The following GRM3 variants were observed in gnomAD, a reference collection of about 807,000 sequenced individuals.
GRM3 encodes glutamate metabotropic receptor 3, also known as metabotropic glutamate receptor 3.
In GRM3, 26 loss-of-function variants were observed where a neutral mutation model predicts 70.5. The observed-to-expected ratio is 0.37, with a 90% CI of 0.27 to 0.51. The LOEUF (loss-of-function observed/expected upper bound fraction) is 0.51. GRM3 is among the 20% of genes least tolerant of loss of function. GRM3 has a pLI of 0.93. For missense variants in GRM3, 859 were observed against 1,123.8 expected (o/e 0.76, Z 3.37); for synonymous variants, 443 against 434.9 (o/e 1.02, Z -0.23).
At position 86,746,341 on chromosome 7, in the gene GRM3, T is replaced by TTTTATATA. The variant is rs1388333232; in HGVS notation, c.-140-18664_-140-18663insTTATATAT. Among the ~76,000 whole-genome samples the TTTTATATA allele has an allele frequency of 3.9e-3, 343 of 87,428 alleles. 6 individuals carry two copies. The highest frequency in any genetic ancestry group is 0.015 in the African/African-American group (252 of 16,812). 57.4% of individuals were successfully genotyped at this position (87,428 alleles called of 152,430 possible). A position where few individuals can be genotyped will look rare whatever the true frequency, so the allele number is the denominator to read the frequency against. On this transcript the variant is annotated intron_variant, in intron 1 of 5. Transcript: ENST00000361669. Reference sequence around the variant, plus strand: ...TGACTAATAGAGGGTCAGTCATGTATTATATATATATATATATATATATAT... The same window carrying TTTTATATA: ...TGACTAATAGAGGGTCAGTCATGTATTTTATATATATATATATATATATATATATATAT...
chr7:86,835,582 G>A (rs1239185656), intron 3 of GRM3, among the ~76,000 whole-genome samples: 1 of 152,042 alleles, frequency 6.6e-6, no homozygotes, highest in East Asian at 1.9e-4. Flanking sequence ...TATATGACAA[G>A]CATTTAATAT....
intron 1 of GRM3, among the ~76,000 whole-genome samples, chr7:86,688,008 A>G (rs1039450852): frequency 2.0e-5 from 3 of 151,734 alleles, no homozygotes; most frequent in African/African-American, 7.2e-5. Flanking sequence ...TAGCAAGATA[A>G]CATGTTTAAA....
chr7:86,843,874 C>T (rs76395806), intron 4 of GRM3, among the ~76,000 whole-genome samples: 1,657 of 152,174 alleles, frequency 0.011, 18 homozygotes, highest in African/African-American at 0.037. Flanking sequence ...CCTTGAAAAG[C>T]GGGTTACTGC....
At position 86,765,340 on chromosome 7, in the gene GRM3, G is replaced by C. The variant is rs185236143; in HGVS notation, c.195G>C (p.Gly65=). 6.2e-7 allele frequency: 1 copy of C among 1,613,924 alleles called. No individual in the cohort carries two copies. Among genetic ancestry groups the C allele is most frequent in the Non-Finnish European group, 8.5e-7 (1 of 1,179,880 alleles). ...EECGRINEDR[G]IQRLEAMLFA... ...GTGGGCGAATCAATGAAGACCGAGG[G>C]ATTCAACGCCTGGAAGCCATGTTGT... Residue 65 remains glycine (G), a synonymous_variant, in exon 2 of 6, where the codon GGG becomes GGC. Transcript: ENST00000361669.
chr7:86,752,386 A>C (rs1044877303), intron 1 of GRM3, among the ~76,000 whole-genome samples: 1 of 152,164 alleles, frequency 6.6e-6, no homozygotes, highest in Non-Finnish European at 1.5e-5. Context: ...AAAGGAAAGC[A>C]AACCTAGAAG....
At chr7:86,676,416 C>A (rs2115936194) in intron 1 of GRM3, among the ~76,000 whole-genome samples, 1 of 133,468 alleles carries the variant, frequency 7.5e-6, no homozygotes, top group East Asian at 2.4e-4. Context: ...CCAAATAATT[C>A]TCTGTAGAAA....
chr7:86,777,849 C>G (rs537067805), intron 2 of GRM3, among the ~76,000 whole-genome samples: 3 of 152,218 alleles, frequency 2.0e-5, no homozygotes, highest in East Asian at 3.9e-4. Flanking sequence ...GGATTTTGTA[C>G]AGCTAATAAT....
At chr7:86,649,074 G>A (rs1171912137) in intron 1 of GRM3, among the ~76,000 whole-genome samples, 1 of 152,136 alleles carries the variant, frequency 6.6e-6, no homozygotes, top group East Asian at 1.9e-4. Flanking sequence ...ATTAGGTTAA[G>A]AAATCAAGGA....
At chr7:86,806,482 C>T (rs963874256) in intron 3 of GRM3, among the ~76,000 whole-genome samples, 9 of 152,160 alleles carry the variant, frequency 5.9e-5, no homozygotes, top group Non-Finnish European at 1.2e-4. Flanking sequence ...TTTTGATTTG[C>T]ATTTCTCTGA....
Position 86,850,406 on chromosome 7 carries a change from A to G in GRM3, c.2428A>G (p.Ser810Gly). 6.2e-7 allele frequency: 1 copy of G among 1,613,158 alleles called. No homozygotes were observed. The highest frequency in any genetic ancestry group is 1.1e-5 in the South Asian group (1 of 91,056). Residue 810 changes from serine to glycine, a missense_variant, in exon 5 of 6, where the codon AGT becomes GGT. Coordinates refer to ENST00000361669, the MANE Select transcript of GRM3 (RefSeq NM_000840.3). ...TTTMCISVSLSGFVVLGCLFA... is the reference protein window; with the variant it reads ...TTTMCISVSLGGFVVLGCLFA... ...AACCATGTGCATCTCTGTCAGCCTG[A>G]GTGGCTTTGTGGTCTTGGGCTGTTT... is the stretch of plus-strand genomic sequence containing the variant.
intron 1 of GRM3, among the ~76,000 whole-genome samples, chr7:86,709,226 C>G (rs1795135911): frequency 6.6e-6 from 1 of 151,934 alleles, no homozygotes; most frequent in African/African-American, 2.4e-5. Flanking sequence ...TTCAGTTATT[C>G]CAATTCTCTG....
chr7:86,698,520 T>TTA (rs570784350), intron 1 of GRM3, among the ~76,000 whole-genome samples: 5,431 of 142,094 alleles, frequency 0.038, 235 homozygotes, highest in African/African-American at 0.082. Flanking sequence ...TAAAAAGTAT[T>TTA]TATATATATA....
At chr7:86,818,746 C>A (rs901397178) in intron 3 of GRM3, among the ~76,000 whole-genome samples, 3 of 152,054 alleles carry the variant, frequency 2.0e-5, no homozygotes, top group Non-Finnish European at 2.9e-5. Context: ...CAATACCCAG[C>A]AGATACCTAT....
chr7:86,758,784 AT>A (rs1256239287), intron 1 of GRM3, among the ~76,000 whole-genome samples: 1 of 152,078 alleles, frequency 6.6e-6, no homozygotes, highest in Non-Finnish European at 1.5e-5. Context: ...TTATTTTTTA[AT>A]TTACCTTACT....
chr7:86,811,848 C>A (rs1797914395), intron 3 of GRM3, among the ~76,000 whole-genome samples: 1 of 151,250 alleles, frequency 6.6e-6, no homozygotes, highest in South Asian at 2.1e-4. Flanking sequence ...TCTTCCCCTT[C>A]CTCAACCTAT....
intron 3 of GRM3, among the ~76,000 whole-genome samples, chr7:86,787,562 G>A (rs1307131036): frequency 2.0e-5 from 3 of 151,978 alleles, no homozygotes; most frequent in Admixed American, 6.6e-5. Context: ...GTGACAGAGA[G>A]AGAGAGAGAG....
At chr7:86,724,264 G>A (rs1584194587) in intron 1 of GRM3, among the ~76,000 whole-genome samples, 2 of 152,154 alleles carry the variant, frequency 1.3e-5, no homozygotes, top group South Asian at 4.1e-4. Flanking sequence ...TTACAAACAC[G>A]ACATCTATAA....
chr7:86,704,442 T>A (rs549944209), intron 1 of GRM3, among the ~76,000 whole-genome samples: 1 of 151,940 alleles, frequency 6.6e-6, no homozygotes, highest in African/African-American at 2.4e-5. Flanking sequence ...TCGTTTCTAA[T>A]GCATTTTTAC....
Position 86,787,556 on chromosome 7 carries a change from C to CAGAGAGAG in GRM3, c.1324+454_1324+461dup, listed in dbSNP as rs71117519. ...ATCTCATAACTTTCACAGTGGGTGA[C>CAGAGAGAG]AGAGAGAGAGAGAGAGAGAGAAGTC... On this transcript the variant is annotated intron_variant, in intron 3 of 5. Coordinates refer to ENST00000361669, the MANE Select transcript of GRM3 (RefSeq NM_000840.3). 3.7e-3 allele frequency among the ~76,000 whole-genome samples: 561 copies of CAGAGAGAG among 150,020 alleles called. 3 individuals carry two copies. Among genetic ancestry groups the CAGAGAGAG allele is most frequent in the East Asian group, 0.019 (98 of 5,116 alleles).
Sources: allele counts gnomAD v4.1 joint callset (sites outside exome capture counted in the v4.1 genomes callset), GRCh38; gene constraint gnomAD v4.1.1; transcripts MANE v1.5; gene names NCBI Gene and HGNC (gene_info 2026-07-23, HGNC 2026-07-21).